Variants in RAPGEF6 observed in about 807,000 individuals in gnomAD.
RAPGEF6 encodes the protein Rap guanine nucleotide exchange factor 6, also known as PDZ domain containing guanine nucleotide exchange factor (GEF) 2.
RAPGEF6 carries 56 observed loss-of-function variants against 171.4 expected under a neutral mutation model. The observed-to-expected ratio is 0.33, with a 90% confidence interval of 0.26 to 0.41. The LOEUF is 0.41. RAPGEF6 is among the 10% of genes least tolerant of loss of function. The pLI, the probability that RAPGEF6 is intolerant of heterozygous loss-of-function variation, is 1.00. For synonymous variants in RAPGEF6, 692 were observed against 650.1 expected (o/e 1.06, Z -0.98); for missense variants, 1,674 against 1,921.4 (o/e 0.87, Z 2.41).
At chr5:131,608,220 C>A (rs547741491) in intron 1 of RAPGEF6, among the ~76,000 whole-genome samples, 1 of 152,108 alleles carries the variant, frequency 6.6e-6, no homozygotes, top group Non-Finnish European at 1.5e-5. Context: ...ATCATCTGGG[C>A]CACAAAACCT....
At chr5:131,606,203 A>T (rs1337207112) in intron 1 of RAPGEF6, among the ~76,000 whole-genome samples, 1 of 151,906 alleles carries the variant, frequency 6.6e-6, no homozygotes, top group Admixed American at 6.6e-5. Context: ...CTCTACAAAA[A>T]ATAATTTAAA....
At chr5:131,608,343 G>A (rs1764730126) in intron 1 of RAPGEF6, among the ~76,000 whole-genome samples, 2 of 152,160 alleles carry the variant, frequency 1.3e-5, no homozygotes, top group African/African-American at 2.4e-5. Flanking sequence ...TGAAATCCAA[G>A]TTCCCAGATG....
chr5:131,531,113 C>T lies in RAPGEF6; in HGVS notation c.496-9592G>A, dbSNP rs909181450. ...AGAAGCTGCCTTTAAGAAAGACATG[C>T]AGTGAGCTAGGCCAGATAAAACAGA... On this transcript the variant is annotated intron_variant, in intron 6 of 27. Transcript: ENST00000509018. Among the ~76,000 whole-genome samples the T allele has an allele frequency of 1.3e-5, 2 of 152,242 alleles. 1 individual carries two copies. Among genetic ancestry groups the T allele is most frequent in the South Asian group, 4.1e-4 (2 of 4,822 alleles).
chr5:131,551,791 G>A (rs1411319125), intron 5 of RAPGEF6, among the ~76,000 whole-genome samples: 1 of 152,050 alleles, frequency 6.6e-6, no homozygotes. Context: ...CTTGGGAAAA[G>A]TACCAAATGC....
intron 5 of RAPGEF6, among the ~76,000 whole-genome samples, chr5:131,554,253 G>A (rs1761096479): frequency 6.6e-6 from 1 of 152,032 alleles, no homozygotes. Context: ...AGACAAAAAA[G>A]AAAAAATACC....
chr5:131,602,252 G>T (rs1318003126), intron 3 of RAPGEF6, among the ~76,000 whole-genome samples: 1 of 152,036 alleles, frequency 6.6e-6, no homozygotes, highest in Non-Finnish European at 1.5e-5. Context: ...TAGGTTATAT[G>T]GTATAGCCTA....
chr5:131,505,269 T>C, intron 10 of RAPGEF6, 95 bp downstream of exon 10: 1 of 1,273,784 alleles, frequency 7.9e-7, no homozygotes, highest in Non-Finnish European at 1.1e-6. Flanking sequence ...AACTCCTAAT[T>C]CTCAAATAAA....
chr5:131,555,769 A>T (rs981756765), intron 5 of RAPGEF6, among the ~76,000 whole-genome samples: 1 of 152,040 alleles, frequency 6.6e-6, no homozygotes, highest in Non-Finnish European at 1.5e-5. Context: ...AATTAATTAT[A>T]ATTAGTTACA....
chr5:131,444,191 AC>A (rs1006027088), intron 22 of RAPGEF6, among the ~76,000 whole-genome samples: 2 of 152,230 alleles, frequency 1.3e-5, no homozygotes, highest in African/African-American at 4.8e-5. Flanking sequence ...TTTTATTAAG[AC>A]AGACTAGACA....
chr5:131,571,913 C>T (rs556928575), intron 4 of RAPGEF6, among the ~76,000 whole-genome samples: 3 of 152,202 alleles, frequency 2.0e-5, no homozygotes, highest in African/African-American at 4.8e-5. Flanking sequence ...CATTCCTCCC[C>T]GCCCTTGTGA....
intron 5 of RAPGEF6, among the ~76,000 whole-genome samples, chr5:131,556,323 C>G (rs977021854): frequency 6.6e-6 from 1 of 152,136 alleles, no homozygotes; most frequent in Non-Finnish European, 1.5e-5. Flanking sequence ...CCTGTAATCT[C>G]AGCTACTCGG....
intron 17 of RAPGEF6, among the ~76,000 whole-genome samples, chr5:131,466,004 C>T (rs1404569705): frequency 6.6e-6 from 1 of 151,126 alleles, no homozygotes; most frequent in Admixed American, 6.6e-5. Context: ...GAGGTATAAT[C>T]CCTGGTTAAA....
intron 22 of RAPGEF6, among the ~76,000 whole-genome samples, chr5:131,443,898 A>C (rs1314794272): frequency 6.6e-6 from 1 of 152,254 alleles, no homozygotes; most frequent in Non-Finnish European, 1.5e-5. Flanking sequence ...AGAAAACCAG[A>C]GACAGTGCTT....
intron 19 of RAPGEF6, among the ~76,000 whole-genome samples, chr5:131,460,922 G>A (rs570642263): frequency 1.3e-5 from 2 of 152,236 alleles, no homozygotes; most frequent in South Asian, 2.1e-4. Flanking sequence ...AGTTCAAGTG[G>A]AATTATGCTG....
chr5:131,605,655 T>C (rs914984189), intron 1 of RAPGEF6, among the ~76,000 whole-genome samples: 1 of 152,108 alleles, frequency 6.6e-6, no homozygotes, highest in East Asian at 1.9e-4. Flanking sequence ...AATTATCAGA[T>C]AGTAGTGGGG....
intron 4 of RAPGEF6, among the ~76,000 whole-genome samples, chr5:131,580,541 C>T (rs933234960): frequency 6.6e-6 from 1 of 152,134 alleles, no homozygotes; most frequent in Non-Finnish European, 1.5e-5. Flanking sequence ...GCCGAGGAGG[C>T]GGTGAGAGCG....
At chr5:131,539,079 T>C (rs574998120) in intron 6 of RAPGEF6, among the ~76,000 whole-genome samples, 4 of 152,302 alleles carry the variant, frequency 2.6e-5, no homozygotes, top group Admixed American at 1.3e-4. Context: ...AGAAGCAATA[T>C]TGAAAAGCTG....
chr5:131,496,190 A>G, intron 12 of RAPGEF6, among the ~76,000 whole-genome samples: 1 of 152,186 alleles, frequency 6.6e-6, no homozygotes. Flanking sequence ...ATTAAAAAAC[A>G]AAACAAAAAC....
At chr5:131,586,517 T>C (rs1432164378) in intron 4 of RAPGEF6, among the ~76,000 whole-genome samples, 1 of 151,986 alleles carries the variant, frequency 6.6e-6, no homozygotes, top group African/African-American at 2.4e-5. Flanking sequence ...TGTGGTCCCA[T>C]CTACTTGGGA....
Sources: allele counts gnomAD v4.1 joint callset (sites outside exome capture counted in the v4.1 genomes callset), GRCh38; gene constraint gnomAD v4.1.1; transcripts MANE v1.5; gene names NCBI Gene and HGNC (gene_info 2026-07-23, HGNC 2026-07-21).